MARCHF1: variants seen among roughly 807,000 people sequenced by gnomAD.
The protein encoded by MARCHF1 is E3 ubiquitin-protein ligase MARCHF1.
A neutral mutation model predicts 54.2 loss-of-function variants in MARCHF1; 40 were observed. That is an observed-to-expected ratio of 0.74 (90% CI 0.57 to 0.96). The LOEUF (loss-of-function observed/expected upper bound fraction) is 0.96, where lower values mean the gene tolerates loss of function less well. Ranked by LOEUF, MARCHF1 falls within the 40% of genes least tolerant of loss-of-function variation. The pLI, the probability that MARCHF1 is intolerant of heterozygous loss-of-function variation, is 0.00. For missense variants in MARCHF1, 586 were observed against 656.5 expected (o/e 0.89, Z 1.17); for synonymous variants, 236 against 236.3 (o/e 1.00, Z 0.01).
At chr4:163,912,666 A>G (rs1052337883) in intron 3 of MARCHF1, among the ~76,000 whole-genome samples, 19 of 152,104 alleles carry the variant, frequency 1.2e-4, no homozygotes, top group African/African-American at 3.6e-4. Context: ...GACAGTTAAC[A>G]TTTCTTCTTC....
intron 4 of MARCHF1, among the ~76,000 whole-genome samples, chr4:163,826,278 T>C (rs1748844961): frequency 6.6e-6 from 1 of 152,064 alleles, no homozygotes; most frequent in South Asian, 2.1e-4. Flanking sequence ...TTGCCCACTG[T>C]AGATCCAACA....
chr4:163,799,158 C>T (rs944403230), intron 4 of MARCHF1, among the ~76,000 whole-genome samples: 5 of 152,038 alleles, frequency 3.3e-5, no homozygotes, highest in African/African-American at 7.2e-5. Flanking sequence ...GTACTGGCTA[C>T]GTTTCAAGTG....
At chr4:164,310,202 C>T (rs1335571606) in intron 1 of MARCHF1, among the ~76,000 whole-genome samples, 2 of 151,990 alleles carry the variant, frequency 1.3e-5, no homozygotes, top group African/African-American at 2.4e-5. Flanking sequence ...TTCAGCCTCC[C>T]GAGTAGCTGG....
chr4:164,124,412 C>T (rs976526868), intron 1 of MARCHF1, among the ~76,000 whole-genome samples: 3 of 152,080 alleles, frequency 2.0e-5, no homozygotes, highest in African/African-American at 4.8e-5. Flanking sequence ...TAGGATCCAG[C>T]AATCCCACTG....
At chr4:164,324,309 C>G (rs185307620) in intron 1 of MARCHF1, among the ~76,000 whole-genome samples, 15 of 151,822 alleles carry the variant, frequency 9.9e-5, no homozygotes, top group East Asian at 7.7e-4. Flanking sequence ...ATTTAAAAAT[C>G]AACTAATATT....
At chr4:164,334,706 T>C (rs1729683909) in intron 1 of MARCHF1, among the ~76,000 whole-genome samples, 2 of 152,236 alleles carry the variant, frequency 1.3e-5, no homozygotes, top group African/African-American at 4.8e-5. Flanking sequence ...AAAAAATACA[T>C]TTCTTTAGGC....
intron 1 of MARCHF1, among the ~76,000 whole-genome samples, chr4:164,380,387 T>C (rs374217880): frequency 7.9e-5 from 12 of 152,282 alleles, no homozygotes; most frequent in East Asian, 7.7e-4. Flanking sequence ...CTGTCCCCCA[T>C]GAGAAAGGCA....
chr4:163,681,154 C>T (rs1379160870), intron 5 of MARCHF1, among the ~76,000 whole-genome samples: 1 of 152,064 alleles, frequency 6.6e-6, no homozygotes, highest in East Asian at 1.9e-4. Context: ...TTTTAAAGGG[C>T]TGTGCTATCA....
At position 163,645,042 on chromosome 4, in the gene MARCHF1, G is replaced by C. The variant is rs575931026; in HGVS notation, c.163-31649C>G. Among the ~76,000 whole-genome samples, 5 of 152,228 alleles carry C rather than the reference G, an allele frequency of 3.3e-5. No homozygotes were observed. The South Asian group carries it at 1.0e-3, about 32-fold the overall frequency. ...AACCAAGGCAGTACTGCCTGCCCAG[G>C]GACCCACCCAGTGACATAGCAGAAG... On this transcript the variant is annotated intron_variant, in intron 5 of 9. Coordinates refer to ENST00000514618, the MANE Select transcript of MARCHF1 (RefSeq NM_001394959.1).
intron 3 of MARCHF1, among the ~76,000 whole-genome samples, chr4:163,941,425 C>T (rs942275412): frequency 1.3e-5 from 2 of 152,016 alleles, no homozygotes; most frequent in Admixed American, 6.6e-5. Context: ...ACATGACAGA[C>T]GTGGCACCAG....
At chr4:163,807,892 A>G (rs1165532545) in intron 4 of MARCHF1, among the ~76,000 whole-genome samples, 1 of 152,066 alleles carries the variant, frequency 6.6e-6, no homozygotes, top group Non-Finnish European at 1.5e-5. Context: ...TTATTATAAA[A>G]TTGTTATATG....
intron 1 of MARCHF1, among the ~76,000 whole-genome samples, chr4:164,268,075 C>T (rs1441354340): frequency 6.6e-6 from 1 of 152,158 alleles, no homozygotes; most frequent in Non-Finnish European, 1.5e-5. Context: ...TTCTAACACA[C>T]ACACAAAAAT....
At chr4:163,876,542 T>C (rs1442078516) in intron 3 of MARCHF1, among the ~76,000 whole-genome samples, 1 of 152,138 alleles carries the variant, frequency 6.6e-6, no homozygotes, top group Non-Finnish European at 1.5e-5. Context: ...GAATGTGACA[T>C]GCCACTAAAT....
chr4:164,239,776 AGT>A (rs1468892653), intron 1 of MARCHF1, among the ~76,000 whole-genome samples: 1 of 152,120 alleles, frequency 6.6e-6, no homozygotes, highest in African/African-American at 2.4e-5. Context: ...AATTTTTAAG[AGT>A]GTATGTATAT....
chr4:164,238,084 C>T (rs939354721), intron 1 of MARCHF1, among the ~76,000 whole-genome samples: 2 of 151,956 alleles, frequency 1.3e-5, no homozygotes, highest in Admixed American at 1.3e-4. Flanking sequence ...CCATTATAAG[C>T]TTTAAGTAGA....
chr4:164,259,544 C>CAAAAA (rs141030578), intron 1 of MARCHF1, among the ~76,000 whole-genome samples: 31 of 58,920 alleles, frequency 5.3e-4, no homozygotes, highest in African/African-American at 1.4e-3. Context: ...GACCGTGTCT[C>CAAAAA]AAAAAAAAAA....
chr4:164,199,681 C>CACACACACAGAGAGAG (rs1462208986), intron 1 of MARCHF1, among the ~76,000 whole-genome samples: 50 of 47,654 alleles, frequency 1.0e-3, no homozygotes, highest in East Asian at 5.7e-4. Context: ...CACACACACA[C>CACACACACAGAGAGAG]AGAGAGAGAG....
chr4:164,175,643 C>G (rs1001547263), intron 1 of MARCHF1, among the ~76,000 whole-genome samples: 5 of 152,172 alleles, frequency 3.3e-5, no homozygotes, highest in African/African-American at 1.2e-4. Flanking sequence ...TAGACTTAAT[C>G]TAATCGATTG....
chr4:164,263,325 C>G (rs376181405), intron 1 of MARCHF1, among the ~76,000 whole-genome samples: 1 of 152,086 alleles, frequency 6.6e-6, no homozygotes, highest in Non-Finnish European at 1.5e-5. Context: ...TTTTTGATAT[C>G]TGCAATATAT....
Sources: gnomAD v4.1 joint callset for allele counts (sites outside exome capture counted in the v4.1 genomes callset) on GRCh38, gnomAD v4.1.1 for gene constraint, MANE v1.5 for transcripts, NCBI Gene and HGNC (gene_info 2026-07-23, HGNC 2026-07-21) for gene names.